The following LRRC49 variants were observed in gnomAD, a reference collection of about 807,000 sequenced individuals.
The protein encoded by LRRC49 is leucine rich repeat containing 49.
LRRC49 carries 50 observed loss-of-function variants against 83.3 expected under a neutral mutation model. The ratio of observed to expected loss-of-function variants is 0.60; its 90% CI spans 0.48 to 0.76. The LOEUF is 0.76. LRRC49 is among the 30% of genes least tolerant of loss of function. LRRC49 has a pLI of 0.00. For missense variants in LRRC49, 704 were observed against 809.1 expected, an observed-to-expected ratio of 0.87 and a Z score of 1.58; for synonymous variants, 286 against 283.3, an observed-to-expected ratio of 1.01 and a Z score of -0.10.
chr15:71,008,698 G>A (rs1596133581), intron 12 of LRRC49, 82 bp downstream of exon 12: 2 of 917,634 alleles, frequency 2.2e-6, no homozygotes, highest in East Asian at 2.5e-5. Context: ...GTTTTAACTT[G>A]TATTTATGTA....
At chr15:71,022,806 T>G (rs904714358) in intron 14 of LRRC49, among the ~76,000 whole-genome samples, 3 of 152,166 alleles carry the variant, frequency 2.0e-5, no homozygotes, top group African/African-American at 7.2e-5. Flanking sequence ...ATGTGATAAA[T>G]TTGACCTAAT....
At chr15:70,957,738 C>A (rs779698470) in intron 8 of LRRC49, among the ~76,000 whole-genome samples, 1 of 152,028 alleles carries the variant, frequency 6.6e-6, no homozygotes, top group Non-Finnish European at 1.5e-5. Flanking sequence ...TTAGTTAATA[C>A]CTTAAGGTGG....
chr15:70,896,019 C>A, intron 3 of LRRC49, 83 bp downstream of exon 3: 4 of 777,670 alleles, frequency 5.1e-6, no homozygotes, highest in South Asian at 4.3e-5. Flanking sequence ...TTACTAGATC[C>A]AAATAAACTT....
intron 2 of LRRC49, among the ~76,000 whole-genome samples, chr15:70,880,480 T>C (rs2033240751): frequency 6.6e-6 from 1 of 152,210 alleles, no homozygotes; most frequent in Admixed American, 6.5e-5. Context: ...TGGGAGGTAC[T>C]AAGGTAAATA....
chr15:71,014,337 T>C (rs965809296), intron 14 of LRRC49, among the ~76,000 whole-genome samples: 1 of 152,036 alleles, frequency 6.6e-6, no homozygotes. Context: ...TAATTAACAA[T>C]AAAAATTGAT....
chr15:71,050,310 T>C lies in LRRC49; in HGVS notation c.*698T>C, dbSNP rs930403301. ...TGTCTTAGGAGATCCTGAATGACTA[T>C]AAAATGCTGTTACAAAGCAGTAAAT... On this transcript the variant is annotated 3_prime_UTR_variant, in exon 16 of 16. Transcript: ENST00000260382. 11 of 152,244 alleles carry C rather than the reference T, an allele frequency of 7.2e-5. No individual in the cohort carries two copies. The highest frequency in any genetic ancestry group is 2.4e-4 in the African/African-American group (10 of 41,462). The allele number at this position is 152,244 out of a possible 1,614,324, so 9.4% of individuals were successfully genotyped here. A position where few individuals can be genotyped will look rare whatever the true frequency, so the allele number is the denominator to read the frequency against.
intron 4 of LRRC49, among the ~76,000 whole-genome samples, chr15:70,903,175 A>G (rs2034157773): frequency 1.3e-5 from 2 of 152,058 alleles, no homozygotes; most frequent in African/African-American, 4.8e-5. Context: ...GATGATTTAA[A>G]TTTTTTGCAA....
chr15:70,901,645 T>TCATTA (rs916482527), intron 4 of LRRC49, among the ~76,000 whole-genome samples: 31 of 152,314 alleles, frequency 2.0e-4, no homozygotes, highest in African/African-American at 7.0e-4. Context: ...TTCTCTGCTT[T>TCATTA]CATTATTTTT....
At chr15:70,965,349 G>A (rs2036758042) in intron 9 of LRRC49, among the ~76,000 whole-genome samples, 1 of 152,022 alleles carries the variant, frequency 6.6e-6, no homozygotes, top group South Asian at 2.1e-4. Flanking sequence ...CAGATTACTA[G>A]CATCTAATTC....
intron 11 of LRRC49, among the ~76,000 whole-genome samples, chr15:71,007,709 G>GTATATATATATATATATATATATATATA (rs55946096): frequency 7.3e-6 from 1 of 137,706 alleles, no homozygotes; most frequent in Non-Finnish European, 1.6e-5. Flanking sequence ...TGAGAAGCAT[G>GTATATATATATATATATATATATATATA]TATATATATA....
At chr15:70,993,685 G>A (rs555038170) in intron 11 of LRRC49, among the ~76,000 whole-genome samples, 1 of 151,972 alleles carries the variant, frequency 6.6e-6, no homozygotes. Context: ...AAACTTTATA[G>A]CATTGGGCTT....
chr15:71,014,801 C>T (rs2038772308), intron 14 of LRRC49, among the ~76,000 whole-genome samples: 1 of 152,134 alleles, frequency 6.6e-6, no homozygotes, highest in Non-Finnish European at 1.5e-5. Flanking sequence ...CATTAATATG[C>T]TTCTTTCATA....
At chr15:70,858,837 C>A in intron 1 of LRRC49, 1 of 782,906 alleles carries the variant, frequency 1.3e-6, no homozygotes. Context: ...CCCGAGTGGG[C>A]AGCAGCAGCT....
chr15:71,052,468 G>A lies in LRRC49; in HGVS notation c.*2856G>A, dbSNP rs1264318085. 1 of 152,234 alleles carries A rather than the reference G, an allele frequency of 6.6e-6. No individual in the cohort carries two copies. Among genetic ancestry groups the A allele is most frequent in the Non-Finnish European group, 1.5e-5 (1 of 68,098 alleles). 9.4% of individuals were successfully genotyped at this position (152,234 alleles called of 1,614,324 possible). On this transcript the variant is annotated 3_prime_UTR_variant, in exon 16 of 16. Coordinates refer to ENST00000260382, the MANE Select transcript of LRRC49 (RefSeq NM_017691.5). ...TTGTTAACTGTGCTGCTGAGTCAGA[G>A]GATGGTGCTGGTATCAGCTCCTCAC...
intron 3 of LRRC49, chr15:70,900,594 C>T (rs1222538585): frequency 1.1e-5 from 5 of 460,438 alleles, no homozygotes; most frequent in Non-Finnish European, 1.7e-5. Context: ...TAATGAGGAA[C>T]TATCATTTTA....
At chr15:70,939,847 G>GTGTTTTTTTTTTTTTTTTTTTTTTTATT (rs1567061211) in intron 8 of LRRC49, among the ~76,000 whole-genome samples, 1 of 115,254 alleles carries the variant, frequency 8.7e-6, no homozygotes. Flanking sequence ...TTTAAACTAG[G>GTGTTTTTTTTTTTTTTTTTTTTTTTATT]TTTTTTTTTT....
intron 8 of LRRC49, among the ~76,000 whole-genome samples, chr15:70,949,193 G>C (rs1172201677): frequency 6.6e-6 from 1 of 152,132 alleles, no homozygotes; most frequent in Non-Finnish European, 1.5e-5. Flanking sequence ...CCAAGTCCTG[G>C]TCTTTCCGAA....
upstream of LRRC49, among the ~76,000 whole-genome samples, chr15:70,891,565 C>CTGTGTGTGTGTG (rs1491474980): frequency 6.7e-5 from 8 of 118,952 alleles, no homozygotes; most frequent in Admixed American, 2.0e-4. Flanking sequence ...CAGGACAAGA[C>CTGTGTGTGTGTG]TCTGTGTGTG....
At chr15:70,883,745 C>G (rs2033329591) in intron 2 of LRRC49, among the ~76,000 whole-genome samples, 1 of 151,400 alleles carries the variant, frequency 6.6e-6, no homozygotes, top group Admixed American at 6.6e-5. Context: ...ACATCCACCT[C>G]CCGGGTTCAA....
Sources: allele counts gnomAD v4.1 joint callset (sites outside exome capture counted in the v4.1 genomes callset), GRCh38; gene constraint gnomAD v4.1.1; transcripts MANE v1.5; gene names NCBI Gene and HGNC (gene_info 2026-07-23, HGNC 2026-07-21).